Variants in TMEM132B observed in about 807,000 individuals in gnomAD.
TMEM132B encodes transmembrane protein 132B.
A neutral mutation model predicts 90.8 loss-of-function variants in TMEM132B; 18 were observed. The ratio of observed to expected loss-of-function variants is 0.20; its 90% CI spans 0.14 to 0.29. The LOEUF (loss-of-function observed/expected upper bound fraction) is 0.29, where lower values mean the gene tolerates loss of function less well. TMEM132B is among the 10% of genes least tolerant of loss of function. The pLI, the probability that TMEM132B is intolerant of heterozygous loss-of-function variation, is 1.00. For missense variants in TMEM132B, 1,096 were observed against 1,326.8 expected (o/e 0.83, Z 2.70); for synonymous variants, 504 against 523.3 (o/e 0.96, Z 0.50).
At position 125,458,351 on chromosome 12, in the gene TMEM132B, G is replaced by A. The variant is rs1342034365; in HGVS notation, c.1106+42674G>A. Among the ~76,000 whole-genome samples the A allele has an allele frequency of 6.6e-6, 1 of 152,106 alleles. No homozygotes were observed. Among genetic ancestry groups the A allele is most frequent in the Non-Finnish European group, 1.5e-5 (1 of 68,010 alleles). ...TTGGCCAGACTGGTCCCCTACCTCT[G>A]CCATAAACAACTTGGAGCTTGAATA... is the stretch of plus-strand genomic sequence containing the variant. On this transcript the variant is annotated intron_variant, in intron 3 of 8. Transcript: ENST00000682704. The surrounding 1 kb of genome is among the most constrained non-coding windows in gnomAD (Gnocchi z 4.9).
chr12:125,653,928 G>C lies in TMEM132B; in HGVS notation c.2470G>C (p.Glu824Gln). The C allele has an allele frequency of 6.2e-7, 1 of 1,614,164 alleles. No homozygotes were observed. The highest frequency in any genetic ancestry group is 8.5e-7 in the Non-Finnish European group (1 of 1,180,038). Residue 824 changes from glutamate to glutamine, a missense_variant, in exon 9 of 9, where the codon GAG (glutamate) becomes CAG (glutamine). Transcript: ENST00000682704. ...TAAAGACCACCTCAGTAATTCCATA[G>C]AGCGCGAAGGAAACCAGGAGAGAGC... ...EYKDHLSNSI[E>Q]REGNQERAVQ...
In TMEM132B at chr12:125,391,238, C is replaced by T. The variant is rs534720582; in HGVS notation, c.960-24293C>T. On this transcript the variant is annotated intron_variant, in intron 2 of 8. Coordinates refer to ENST00000682704, the MANE Select transcript of TMEM132B (RefSeq NM_001366854.1). ...GTGCCCTCAGGCTGCAGGTCATCCGCGGTTAAGTTCGTGTCAAGGTATGTT... is the reference window on the plus strand; with the variant it reads ...GTGCCCTCAGGCTGCAGGTCATCCGTGGTTAAGTTCGTGTCAAGGTATGTT... Among the ~76,000 whole-genome samples, 5 of 152,226 alleles carry T rather than the reference C, an allele frequency of 3.3e-5. No individual in the cohort carries two copies. The East Asian group carries it at 7.7e-4, about 24-fold the overall frequency.
intron 5 of TMEM132B, chr12:125,622,633 G>A (rs1156873705): frequency 2.0e-6 from 2 of 985,350 alleles, no homozygotes; most frequent in Non-Finnish European, 2.4e-6. Flanking sequence ...TTGAGTGTGA[G>A]TTTAGGTGTC....
intron 1 of TMEM132B, among the ~76,000 whole-genome samples, chr12:125,239,440 G>A (rs4237994): frequency 2.6e-5 from 4 of 152,108 alleles, no homozygotes; most frequent in Non-Finnish European, 5.9e-5. Flanking sequence ...GGTTTCTGGC[G>A]TCAGGAATGG....
chr12:125,374,333 T>A (rs1403190876), intron 2 of TMEM132B, among the ~76,000 whole-genome samples: 1 of 152,242 alleles, frequency 6.6e-6, no homozygotes, highest in African/African-American at 2.4e-5. Flanking sequence ...AGATGGCTTT[T>A]CCATTTAAAT....
intron 1 of TMEM132B, among the ~76,000 whole-genome samples, chr12:125,189,817 G>T (rs888662919): frequency 2.6e-5 from 4 of 152,152 alleles, no homozygotes; most frequent in Non-Finnish European, 5.9e-5. Context: ...CTGGGGTGGG[G>T]GTGGTCTCTG....
At chr12:125,443,766 C>T (rs1000495750) in intron 3 of TMEM132B, among the ~76,000 whole-genome samples, 1 of 151,842 alleles carries the variant, frequency 6.6e-6, no homozygotes, top group African/African-American at 2.4e-5. Context: ...GCTAAATAAC[C>T]CATTGAAACT....
chr12:125,319,406 C>T (rs750100586), intron 1 of TMEM132B, among the ~76,000 whole-genome samples: 2 of 152,206 alleles, frequency 1.3e-5, no homozygotes, highest in Non-Finnish European at 2.9e-5. Flanking sequence ...ATTAACGAGG[C>T]TGCCGCCTTG....
Position 125,251,914 on chromosome 12 carries a change from A to T in TMEM132B, c.67+65048A>T, listed in dbSNP as rs549338012. Among the ~76,000 whole-genome samples the T allele has an allele frequency of 2.0e-5, 3 of 152,358 alleles. No individual in the cohort carries two copies. Among genetic ancestry groups the T allele is most frequent in the African/African-American group, 7.2e-5 (3 of 41,590 alleles). ...ACTTTAGAACACAGTTAGGTGCCAC[A>T]TCTGGCCTGAAGGCCTTTATGCATG... On this transcript the variant is annotated intron_variant, in intron 1 of 8. Coordinates refer to ENST00000682704, the MANE Select transcript of TMEM132B (RefSeq NM_001366854.1). This position sits in a 1 kb window ranked among gnomAD's most constrained non-coding sequence, Gnocchi z 4.4.
Position 125,650,675 on chromosome 12 carries a change from TG to T in TMEM132B, c.1644-7del, listed in dbSNP as rs1221379989. The T allele has an allele frequency of 6.2e-7, 1 of 1,603,074 alleles. No individual in the cohort carries two copies. The highest frequency in any genetic ancestry group is 1.7e-5 in the Admixed American group (1 of 59,882). Reference sequence around the variant, plus strand: ...GACTTTGTTCTGTTTCGATTCCTTGTGCTCCAGGCCTACCCGGGAAAGCGAT... The same window carrying T: ...GACTTTGTTCTGTTTCGATTCCTTGTCTCCAGGCCTACCCGGGAAAGCGAT... On this transcript the variant is annotated splice_polypyrimidine_tract_variant and splice_region_variant and intron_variant, in intron 6 of 8. Coordinates refer to ENST00000682704, the MANE Select transcript of TMEM132B (RefSeq NM_001366854.1).
chr12:125,394,878 G>C (rs1414143649), intron 2 of TMEM132B, among the ~76,000 whole-genome samples: 1 of 152,098 alleles, frequency 6.6e-6, no homozygotes, highest in African/African-American at 2.4e-5. Context: ...AGACACTGGA[G>C]ACTCCAGGAG....
chr12:125,622,661 C>T, intron 5 of TMEM132B: 1 of 985,402 alleles, frequency 1.0e-6, no homozygotes, highest in Non-Finnish European at 1.2e-6. Context: ...CTCTGGGTAG[C>T]ACTGAACAGA....
intron 4 of TMEM132B, among the ~76,000 whole-genome samples, chr12:125,569,120 A>G (rs76059146): frequency 0.01 from 1,540 of 152,044 alleles, 26 homozygotes; most frequent in African/African-American, 0.035. Flanking sequence ...CTCAGTGTCT[A>G]TCTGGGCTGC....
chr12:125,323,790 A>AT (rs1876490826), intron 1 of TMEM132B, among the ~76,000 whole-genome samples: 1 of 152,130 alleles, frequency 6.6e-6, no homozygotes, highest in Admixed American at 6.5e-5. Flanking sequence ...AAGTGCTAGG[A>AT]TTACAGGCGT....
At chr12:125,615,470 A>C (rs1593023774) in intron 5 of TMEM132B, among the ~76,000 whole-genome samples, 1 of 151,912 alleles carries the variant, frequency 6.6e-6, no homozygotes, top group East Asian at 1.9e-4. Context: ...CTTGCTGCTT[A>C]TTTCTTCTTC....
intron 3 of TMEM132B, among the ~76,000 whole-genome samples, chr12:125,440,681 T>C (rs771569495): frequency 1.3e-5 from 2 of 152,232 alleles, no homozygotes; most frequent in African/African-American, 4.8e-5. Context: ...TTGGTTCAGT[T>C]GCAATCTCCA....
Position 125,395,614 on chromosome 12 carries a change from T to C in TMEM132B, c.960-19917T>C, listed in dbSNP as rs73424778. On this transcript the variant is annotated intron_variant, in intron 2 of 8. Coordinates refer to ENST00000682704, the MANE Select transcript of TMEM132B (RefSeq NM_001366854.1). The stretch of plus-strand genomic sequence containing the variant: ...TATCTTCTGTGAACTTTGAGAGGGT[T>C]TTATCTGGTCCTCGGAGTGGTAGAA... 3.4e-3 allele frequency among the ~76,000 whole-genome samples: 512 copies of C among 152,272 alleles called. 1 individual carries two copies. Among genetic ancestry groups the C allele is most frequent in the African/African-American group, 0.012 (485 of 41,552 alleles).
intron 1 of TMEM132B, among the ~76,000 whole-genome samples, chr12:125,296,705 C>T (rs931701274): frequency 1.3e-5 from 2 of 152,220 alleles, no homozygotes; most frequent in African/African-American, 2.4e-5. Flanking sequence ...TAACTGTCAC[C>T]TGGGTGAATG....
chr12:125,403,345 C>A (rs1879372125), intron 2 of TMEM132B, among the ~76,000 whole-genome samples: 1 of 152,210 alleles, frequency 6.6e-6, no homozygotes, highest in African/African-American at 2.4e-5. Flanking sequence ...TTCTTTCATG[C>A]AAACCTGTCA....
Sources: allele counts gnomAD v4.1 joint callset (sites outside exome capture counted in the v4.1 genomes callset), GRCh38; gene constraint gnomAD v4.1.1; non-coding constraint Gnocchi (gnomAD v3.1); transcripts MANE v1.5; gene names NCBI Gene and HGNC (gene_info 2026-07-23, HGNC 2026-07-21).